RECK: variants seen among roughly 807,000 people sequenced by gnomAD.
The protein encoded by RECK is reversion inducing cysteine rich protein with kazal motifs, also known as reversion-inducing cysteine-rich protein with Kazal motifs.
Under a neutral mutation model 115.1 loss-of-function variants are expected in RECK, and 69 were observed. The observed-to-expected ratio is 0.60, with a 90% CI of 0.49 to 0.73. The LOEUF (loss-of-function observed/expected upper bound fraction) is 0.73, where lower values mean the gene tolerates loss of function less well. RECK is among the 30% of genes least tolerant of loss of function. The pLI is 0.00. For missense variants in RECK, 1,047 were observed against 1,203.7 expected (o/e 0.87, Z 1.93); for synonymous variants, 414 against 419.7 (o/e 0.99, Z 0.17).
Position 36,100,531 on chromosome 9 carries a change from G to A in RECK, c.1286G>A (p.Ser429Asn). ...CCTTGTCATAGTAAATCTCGGGGAAGTATTATTTGCAAGTAAGTTTCTTTC... is the reference window on the plus strand; with the variant it reads ...CCTTGTCATAGTAAATCTCGGGGAAATATTATTTGCAAGTAAGTTTCTTTC... ...IKPCHSKSRG[S>N]IICKSDCVEI... Residue 429 changes from serine (S) to asparagine (N), a missense_variant, in exon 11 of 21, where the codon AGT becomes AAT. Physicochemically the swap from Ser to Asn is conservative, Grantham distance 46. Transcript: ENST00000377966. The A allele has an allele frequency of 6.2e-7, 1 of 1,612,912 alleles. No individual in the cohort carries two copies. The highest frequency in any genetic ancestry group is 1.7e-5 in the Admixed American group (1 of 60,008).
At chr9:36,062,882 C>T (rs1821837389) in intron 4 of RECK, among the ~76,000 whole-genome samples, 1 of 152,038 alleles carries the variant, frequency 6.6e-6, no homozygotes, top group South Asian at 2.1e-4. Flanking sequence ...CACCTGTAAT[C>T]CCAGCAGTTT....
chr9:36,118,906 G>A lies in RECK; in HGVS notation c.2403G>A (p.Glu801=). 1.9e-6 allele frequency: 3 copies of A among 1,613,700 alleles called. No homozygotes were observed. Among genetic ancestry groups the A allele is most frequent in the Non-Finnish European group, 2.5e-6 (3 of 1,180,034 alleles). Residue 801 remains glutamate (E), a synonymous_variant, in exon 18 of 21, where the codon GAG becomes GAA. Coordinates refer to ENST00000377966, the MANE Select transcript of RECK (RefSeq NM_021111.3). The part of the protein sequence containing the change: ...GVLSEHSSVA[E]CASVKCPSLL... Reference sequence around the variant, plus strand: ...TCTCAGAGCACAGCTCCGTCGCCGAGTGTGCTTCTGTCAAGTGTCCTTCGC... The same window carrying A: ...TCTCAGAGCACAGCTCCGTCGCCGAATGTGCTTCTGTCAAGTGTCCTTCGC...
intron 7 of RECK, among the ~76,000 whole-genome samples, chr9:36,082,191 T>C (rs1033375215): frequency 1.6e-3 from 242 of 150,592 alleles, no homozygotes; most frequent in African/African-American, 5.8e-3. Flanking sequence ...TCTCTCTCCT[T>C]TTTTCTTTTT....
chr9:36,089,543 C>T (rs576744651), intron 9 of RECK, among the ~76,000 whole-genome samples: 11 of 152,288 alleles, frequency 7.2e-5, no homozygotes, highest in Middle Eastern at 3.4e-3. Context: ...AAATCAGAAA[C>T]GTTTTGAGTG....
At chr9:36,069,480 C>CAAAAAAA (rs60192603) in intron 6 of RECK, among the ~76,000 whole-genome samples, 2 of 84,926 alleles carry the variant, frequency 2.4e-5, no homozygotes, top group Non-Finnish European at 6.2e-5. Flanking sequence ...GTGGAGGTTG[C>CAAAAAAA]AAAAAAAAAA....
At chr9:36,063,454 C>G (rs925167914) in intron 4 of RECK, among the ~76,000 whole-genome samples, 31 of 152,184 alleles carry the variant, frequency 2.0e-4, no homozygotes, top group African/African-American at 7.5e-4. Context: ...AACAGTCTAA[C>G]AGTAAGAAAG....
rs1822882186 is a variant in RECK, at chr9:36,084,790, C to G, written c.637+1228C>G. 2.6e-5 allele frequency among the ~76,000 whole-genome samples: 4 copies of G among 152,062 alleles called. No individual in the cohort carries two copies. The South Asian group carries it at 8.3e-4, about 32-fold the overall frequency. ...GTCCGAGTTGGCCAGCATAGTGACT[C>G]ACACCTGTAACCTTAGCACTGTGGG... On this transcript the variant is annotated intron_variant, in intron 8 of 20. Transcript: ENST00000377966.
At position 36,087,708 on chromosome 9, in the gene RECK, G is replaced by A. The variant is rs1445197752; in HGVS notation, c.652G>A (p.Asp218Asn). The A allele has an allele frequency of 6.2e-7, 1 of 1,613,856 alleles. No homozygotes were observed. Among genetic ancestry groups the A allele is most frequent in the East Asian group, 2.2e-5 (1 of 44,874 alleles). The change falls in exon 9 of 21, where the codon GAC (aspartate) becomes AAC (asparagine). Residue 218 changes from aspartate to asparagine, a missense_variant. By Grantham distance (23) the Asp-to-Asn change is conservative. Transcript: ENST00000377966. ...RNPTDSLYCC[D>N]RAEDHACQNA... ...TGAAAATGTAGGTTTATATTGCTGT[G>A]ACAGAGCTGAAGACCATGCTTGCCA...
chr9:36,093,274 A>G (rs1216648788), intron 10 of RECK, among the ~76,000 whole-genome samples: 1 of 152,232 alleles, frequency 6.6e-6, no homozygotes, highest in African/African-American at 2.4e-5. Context: ...ACAAAGTATC[A>G]TGCATAATGT....
chr9:36,041,657 A>G (rs1183799476), intron 1 of RECK, among the ~76,000 whole-genome samples: 1 of 152,124 alleles, frequency 6.6e-6, no homozygotes, highest in African/African-American at 2.4e-5. Flanking sequence ...GTTGACAGGA[A>G]CCAAGACTGA....
intron 16 of RECK, among the ~76,000 whole-genome samples, chr9:36,114,373 T>C (rs1341065951): frequency 6.6e-6 from 1 of 152,192 alleles, no homozygotes; most frequent in Non-Finnish European, 1.5e-5. Flanking sequence ...CCACTTTCCA[T>C]CTATCAGACT....
At chr9:36,071,615 CTCCTT>C (rs540158542) in intron 6 of RECK, among the ~76,000 whole-genome samples, 8 of 152,242 alleles carry the variant, frequency 5.3e-5, no homozygotes, top group African/African-American at 1.9e-4. Context: ...TTTCATGTCT[CTCCTT>C]TCTTTGCTAG....
At chr9:36,053,176 T>C (rs1821376653) in intron 2 of RECK, among the ~76,000 whole-genome samples, 1 of 152,202 alleles carries the variant, frequency 6.6e-6, no homozygotes, top group Non-Finnish European at 1.5e-5. Flanking sequence ...CACTGTGCTA[T>C]TCTTAAAAGT....
At position 36,117,796 on chromosome 9, in the gene RECK, A is replaced by G. The variant is rs531045159; in HGVS notation, c.2253+619A>G. Among the ~76,000 whole-genome samples, 65 of 152,326 alleles carry G rather than the reference A, an allele frequency of 4.3e-4. 1 individual carries two copies. In the South Asian group the frequency reaches 0.013, roughly 30 times the overall value. On this transcript the variant is annotated intron_variant, in intron 17 of 20. Coordinates refer to ENST00000377966, the MANE Select transcript of RECK (RefSeq NM_021111.3). ...GGAGTTCAAGATCAGCTTGACCAACATGGTGAAACCCCATCTCTACTAAAA... is the reference window on the plus strand; with the variant it reads ...GGAGTTCAAGATCAGCTTGACCAACGTGGTGAAACCCCATCTCTACTAAAA...
intron 6 of RECK, among the ~76,000 whole-genome samples, chr9:36,075,967 G>A (rs767545909): frequency 7.9e-5 from 12 of 152,154 alleles, no homozygotes; most frequent in Admixed American, 4.6e-4. Flanking sequence ...TGATGAAAAT[G>A]AGAGAGAGCT....
intron 10 of RECK, among the ~76,000 whole-genome samples, chr9:36,097,917 G>A (rs1032625912): frequency 2.0e-5 from 3 of 152,224 alleles, no homozygotes; most frequent in East Asian, 3.9e-4. Flanking sequence ...AATAAAATAA[G>A]CCAGGCACAG....
chr9:36,108,517 A>G (rs1020972838), intron 14 of RECK, among the ~76,000 whole-genome samples: 1 of 152,182 alleles, frequency 6.6e-6, no homozygotes, highest in Admixed American at 6.5e-5. Context: ...GCTGATGCTT[A>G]AAGAGTTCAC....
chr9:36,105,356 T>A, intron 13 of RECK, 73 bp downstream of exon 13: 1 of 1,492,936 alleles, frequency 6.7e-7, no homozygotes, highest in Non-Finnish European at 9.2e-7. Context: ...CTATCTTTCT[T>A]TTTTTCAATC....
intron 6 of RECK, among the ~76,000 whole-genome samples, chr9:36,077,994 G>A (rs1822519170): frequency 6.6e-6 from 1 of 151,756 alleles, no homozygotes; most frequent in Non-Finnish European, 1.5e-5. Flanking sequence ...GGCCAACCTG[G>A]GCAACATAGC....
Sources: gnomAD v4.1 joint callset for allele counts (sites outside exome capture counted in the v4.1 genomes callset) on GRCh38, gnomAD v4.1.1 for gene constraint, MANE v1.5 for transcripts, NCBI Gene and HGNC (gene_info 2026-07-23, HGNC 2026-07-21) for gene names.